CNTNAP5: variants seen among roughly 807,000 people sequenced by gnomAD.
CNTNAP5 encodes contactin associated protein family member 5.
A neutral mutation model predicts 150.2 loss-of-function variants in CNTNAP5; 72 were observed. That is an observed-to-expected ratio of 0.48 (90% confidence interval 0.40 to 0.58). CNTNAP5 has a LOEUF of 0.58. Ranked by LOEUF, CNTNAP5 falls within the 20% of genes least tolerant of loss-of-function variation. CNTNAP5 has a pLI of 0.00. For missense variants in CNTNAP5, 1,636 were observed against 1,626.2 expected, an observed-to-expected ratio of 1.01 and a Z score of -0.10; for synonymous variants, 672 against 619.8, an observed-to-expected ratio of 1.08 and a Z score of -1.25.
At chr2:124,061,806 C>A (rs1243342706) in intron 1 of CNTNAP5, among the ~76,000 whole-genome samples, 1 of 152,182 alleles carries the variant, frequency 6.6e-6, no homozygotes, top group Non-Finnish European at 1.5e-5. Context: ...CTCCTCTTCT[C>A]AACCTGCTAT....
At chr2:124,453,483 C>T (rs1693039834) in intron 6 of CNTNAP5, among the ~76,000 whole-genome samples, 1 of 152,154 alleles carries the variant, frequency 6.6e-6, no homozygotes, top group Non-Finnish European at 1.5e-5. Flanking sequence ...AGGAAAACTT[C>T]CCTGTCTTTG....
At chr2:124,714,929 T>C (rs1679913137) in intron 13 of CNTNAP5, among the ~76,000 whole-genome samples, 1 of 152,164 alleles carries the variant, frequency 6.6e-6, no homozygotes, top group African/African-American at 2.4e-5. Flanking sequence ...ATTGATCTTT[T>C]CAGCAGAACT....
intron 3 of CNTNAP5, among the ~76,000 whole-genome samples, chr2:124,392,583 C>T (rs1041661211): frequency 8.6e-5 from 13 of 150,744 alleles, no homozygotes; most frequent in African/African-American, 3.2e-4. Flanking sequence ...TGTCATCTCT[C>T]TCAGAAACCC....
chr2:124,716,785 T>A (rs1307465664), intron 13 of CNTNAP5, among the ~76,000 whole-genome samples: 2 of 152,158 alleles, frequency 1.3e-5, no homozygotes, highest in Non-Finnish European at 2.9e-5. Flanking sequence ...TTTTCTGGCA[T>A]GGTACCTGCT....
chr2:124,159,781 A>G (rs1445596401), intron 1 of CNTNAP5, among the ~76,000 whole-genome samples: 3 of 152,184 alleles, frequency 2.0e-5, no homozygotes, highest in Non-Finnish European at 4.4e-5. Flanking sequence ...TGAAGTCACT[A>G]TGGAGTATCA....
chr2:124,365,852 C>A (rs1460902461), intron 3 of CNTNAP5, among the ~76,000 whole-genome samples: 1 of 152,154 alleles, frequency 6.6e-6, no homozygotes, highest in Non-Finnish European at 1.5e-5. Flanking sequence ...AATCTTAGAT[C>A]TTTCATCTTT....
intron 10 of CNTNAP5, among the ~76,000 whole-genome samples, chr2:124,559,964 G>T (rs994922153): frequency 6.6e-6 from 1 of 152,066 alleles, no homozygotes; most frequent in Admixed American, 6.5e-5. Context: ...CCTTGCTCAA[G>T]TACTCTTTTA....
intron 1 of CNTNAP5, among the ~76,000 whole-genome samples, chr2:124,042,924 A>G (rs976742319): frequency 1.3e-5 from 2 of 152,164 alleles, no homozygotes; most frequent in African/African-American, 4.8e-5. Context: ...AAGGCCATGA[A>G]CCAATCTATT....
intron 11 of CNTNAP5, among the ~76,000 whole-genome samples, chr2:124,578,199 A>G (rs1346931005): frequency 6.7e-6 from 1 of 150,170 alleles, no homozygotes; most frequent in Non-Finnish European, 1.5e-5. Flanking sequence ...GCATGGTGGC[A>G]GGCACCTGTA....
chr2:124,181,095 G>C (rs984969407), intron 1 of CNTNAP5, among the ~76,000 whole-genome samples: 1 of 151,736 alleles, frequency 6.6e-6, no homozygotes, highest in Non-Finnish European at 1.5e-5. Flanking sequence ...ACAAGAAAAG[G>C]AACCAAGTTT....
At chr2:124,696,077 A>T (rs1185308256) in intron 13 of CNTNAP5, among the ~76,000 whole-genome samples, 1 of 152,142 alleles carries the variant, frequency 6.6e-6, no homozygotes, top group Non-Finnish European at 1.5e-5. Context: ...CAAATAAATA[A>T]AAAATACTTA....
chr2:124,597,040 C>T (rs1316741015), intron 11 of CNTNAP5, among the ~76,000 whole-genome samples: 3 of 140,128 alleles, frequency 2.1e-5, no homozygotes, highest in Non-Finnish European at 3.1e-5. Context: ...TGTCTCTGTA[C>T]GTGAGATGGG....
At chr2:124,226,387 C>T (rs1010643349) in intron 2 of CNTNAP5, among the ~76,000 whole-genome samples, 8 of 151,948 alleles carry the variant, frequency 5.3e-5, no homozygotes, top group Non-Finnish European at 7.4e-5. Flanking sequence ...TGCCTGTTGG[C>T]CATTTGTATG....
At chr2:124,602,338 C>CAAA (rs35316532) in intron 11 of CNTNAP5, among the ~76,000 whole-genome samples, 5 of 89,756 alleles carry the variant, frequency 5.6e-5, no homozygotes, top group East Asian at 4.2e-4. Context: ...AAGACTTCAC[C>CAAA]AAAAAAAAAA....
At chr2:124,612,974 C>T (rs564559364) in intron 12 of CNTNAP5, among the ~76,000 whole-genome samples, 2 of 152,178 alleles carry the variant, frequency 1.3e-5, no homozygotes, top group East Asian at 3.9e-4. Flanking sequence ...ATCACATGAA[C>T]CTGGGAGGCA....
At chr2:124,136,937 C>A in intron 1 of CNTNAP5, among the ~76,000 whole-genome samples, 2 of 152,196 alleles carry the variant, frequency 1.3e-5, no homozygotes, top group East Asian at 3.9e-4. Flanking sequence ...TGTCCTGTCA[C>A]AATTCCTTTG....
chr2:124,627,022 A>G (rs1339738547), intron 12 of CNTNAP5, among the ~76,000 whole-genome samples: 1 of 152,182 alleles, frequency 6.6e-6, no homozygotes, highest in Non-Finnish European at 1.5e-5. Context: ...TCCTCACTGG[A>G]GAGGGCCTCC....
intron 19 of CNTNAP5, among the ~76,000 whole-genome samples, chr2:124,803,829 C>T (rs541069979): frequency 6.6e-6 from 1 of 152,294 alleles, no homozygotes; most frequent in South Asian, 2.1e-4. Context: ...GCTGGGTTGA[C>T]CTTAGAACAT....
intron 13 of CNTNAP5, among the ~76,000 whole-genome samples, chr2:124,712,160 T>C (rs1679821086): frequency 2.0e-5 from 3 of 152,326 alleles, no homozygotes; most frequent in Admixed American, 2.0e-4. Context: ...GATTTACTTT[T>C]CTTCTGGGAC....
Sources: allele counts gnomAD v4.1 joint callset (sites outside exome capture counted in the v4.1 genomes callset), GRCh38; gene constraint gnomAD v4.1.1; transcripts MANE v1.5; gene names NCBI Gene and HGNC (gene_info 2026-07-23, HGNC 2026-07-21).